CPE: variants seen among roughly 807,000 people sequenced by gnomAD.
CPE encodes carbocypeptidase E.
CPE carries 17 observed loss-of-function variants against 53.5 expected under a neutral mutation model. The ratio of observed to expected loss-of-function variants is 0.32; its 90% CI spans 0.22 to 0.48. The LOEUF (loss-of-function observed/expected upper bound fraction) is 0.48. CPE is among the 20% of genes least tolerant of loss of function. The probability of loss-of-function intolerance (pLI) is 0.99; values close to 1 mark genes in which losing one functional copy is unlikely to be tolerated. For missense variants in CPE, 524 were observed against 614.7 expected (o/e 0.85, Z 1.56); for synonymous variants, 226 against 228.8 (o/e 0.99, Z 0.11).
At chr4:165,496,929 C>CT (rs1192544302) in intron 8 of CPE, among the ~76,000 whole-genome samples, 2 of 151,938 alleles carry the variant, frequency 1.3e-5, no homozygotes, top group Non-Finnish European at 2.9e-5. Context: ...CTCTTTTTTT[C>CT]TTTTCTTTTT....
At chr4:165,385,443 CT>C (rs70955613) in intron 1 of CPE, among the ~76,000 whole-genome samples, 147 of 106,976 alleles carry the variant, frequency 1.4e-3, no homozygotes, top group Non-Finnish European at 2.0e-3. Context: ...CAAATGTTTG[CT>C]TTTTTTTTTT....
chr4:165,492,878 T>C (rs2126717593), intron 6 of CPE, among the ~76,000 whole-genome samples: 1 of 152,348 alleles, frequency 6.6e-6, no homozygotes, highest in South Asian at 2.1e-4. Context: ...TAAGACAATA[T>C]GAGGAGTGGT....
chr4:165,466,319 A>G (rs1470174093), intron 2 of CPE, among the ~76,000 whole-genome samples: 2 of 152,172 alleles, frequency 1.3e-5, no homozygotes, highest in Non-Finnish European at 2.9e-5. Flanking sequence ...TAAAAACAGT[A>G]CCTTTGGACA....
intron 1 of CPE, among the ~76,000 whole-genome samples, chr4:165,463,593 A>G (rs1732046915): frequency 6.6e-6 from 1 of 152,180 alleles, no homozygotes; most frequent in Non-Finnish European, 1.5e-5. Context: ...AAAAACATAG[A>G]CGTTTAAGTA....
At chr4:165,456,950 A>G (rs1731913525) in intron 1 of CPE, among the ~76,000 whole-genome samples, 1 of 151,878 alleles carries the variant, frequency 6.6e-6, no homozygotes, top group South Asian at 2.1e-4. Context: ...CAGCTTGACC[A>G]GGCTGCTCTT....
intron 1 of CPE, among the ~76,000 whole-genome samples, chr4:165,430,051 TAAAAATA>T (rs949044424): frequency 2.2e-5 from 3 of 136,476 alleles, no homozygotes; most frequent in African/African-American, 7.5e-5. Context: ...TATCAAAAAA[TAAAAATA>T]AAAATAATGC....
chr4:165,457,796 C>G (rs1731926238), intron 1 of CPE, among the ~76,000 whole-genome samples: 1 of 152,032 alleles, frequency 6.6e-6, no homozygotes. Flanking sequence ...ATTTTTTGTT[C>G]CTTTGCCTTT....
Position 165,468,629 on chromosome 4 carries a change from C to T in CPE, c.672+774C>T, listed in dbSNP as rs528590273. 3.3e-5 allele frequency among the ~76,000 whole-genome samples: 5 copies of T among 152,294 alleles called. No homozygotes were observed. The Middle Eastern group carries it at 0.01, about 311-fold the overall frequency. On this transcript the variant is annotated intron_variant, in intron 3 of 8. Transcript: ENST00000402744. ...TTACCACCTCTCAGCGATTTGATCTCTCTGACACCTCTTCCATTTCCCTTC... is the reference window on the plus strand; with the variant it reads ...TTACCACCTCTCAGCGATTTGATCTTTCTGACACCTCTTCCATTTCCCTTC...
chr4:165,493,298 T>C (rs921821485), intron 7 of CPE, 28 bp downstream of exon 7: 6 of 1,441,758 alleles, frequency 4.2e-6, no homozygotes, highest in African/African-American at 1.4e-5. Flanking sequence ...TTGGAGGCTC[T>C]ACGTTATGTA....
intron 1 of CPE, among the ~76,000 whole-genome samples, chr4:165,436,049 C>T (rs1731496117): frequency 6.6e-6 from 1 of 152,138 alleles, no homozygotes; most frequent in Admixed American, 6.6e-5. Context: ...CTCAACTTCC[C>T]AAACTCAAAT....
At chr4:165,444,948 C>CTTATT in intron 1 of CPE, among the ~76,000 whole-genome samples, 1 of 151,732 alleles carries the variant, frequency 6.6e-6, no homozygotes, top group East Asian at 1.9e-4. Flanking sequence ...TCTCTTTCTT[C>CTTATT]TTATTTTATT....
At chr4:165,424,419 C>T (rs1178397590) in intron 1 of CPE, among the ~76,000 whole-genome samples, 2 of 151,554 alleles carry the variant, frequency 1.3e-5, no homozygotes, top group African/African-American at 2.4e-5. Context: ...ATATTGATTA[C>T]CATAATTATC....
At chr4:165,446,498 T>C (rs1338234400) in intron 1 of CPE, among the ~76,000 whole-genome samples, 1 of 152,184 alleles carries the variant, frequency 6.6e-6, no homozygotes, top group Non-Finnish European at 1.5e-5. Context: ...GTTTTTGTTT[T>C]GCTTTGTTTT....
At chr4:165,442,683 G>A (rs572011731) in intron 1 of CPE, among the ~76,000 whole-genome samples, 58 of 152,264 alleles carry the variant, frequency 3.8e-4, no homozygotes, top group African/African-American at 1.3e-3. Flanking sequence ...TATTTCCCGG[G>A]ACAGTACAGA....
intron 1 of CPE, among the ~76,000 whole-genome samples, chr4:165,457,027 C>G (rs1731914920): frequency 6.6e-6 from 1 of 152,150 alleles, no homozygotes; most frequent in Admixed American, 6.6e-5. Context: ...GTATGAGCCA[C>G]TGTTCCAGGC....
chr4:165,384,849 A>G (rs1198936686), intron 1 of CPE, among the ~76,000 whole-genome samples: 2 of 152,190 alleles, frequency 1.3e-5, no homozygotes. Flanking sequence ...TTCCCTCCAT[A>G]AACAGCTAGT....
chr4:165,406,222 A>G, intron 1 of CPE: 1 of 663,592 alleles, frequency 1.5e-6, no homozygotes, highest in Non-Finnish European at 2.9e-6. Flanking sequence ...TTGACTCCAT[A>G]GTTAATATGG....
rs2241816 is a variant in CPE at position 165,404,163 on chromosome 4, G to C, written c.307+24635G>C. On this transcript the variant is annotated intron_variant, in intron 1 of 8. Coordinates refer to ENST00000402744, the MANE Select transcript of CPE (RefSeq NM_001873.4). ...TAGGCAGCCTCATACTTCTTGAGCC[G>C]GTCCACTATCTTCTGGGCTTCATAC... 6,097 of 762,098 alleles carry C rather than the reference G, an allele frequency of 8.0e-3. 130 individuals are homozygous for C. Among genetic ancestry groups the C allele is most frequent in the East Asian group, 0.048 (1,927 of 40,294 alleles). The allele number at this position is 762,098 out of a possible 1,614,324, so 47.2% of individuals were successfully genotyped here.
intron 6 of CPE, among the ~76,000 whole-genome samples, chr4:165,490,074 T>C (rs1286221236): frequency 1.3e-5 from 2 of 152,250 alleles, no homozygotes; most frequent in African/African-American, 2.4e-5. Flanking sequence ...ATTGTTGTCT[T>C]GACAATGGTG....
Sources: allele counts gnomAD v4.1 joint callset (sites outside exome capture counted in the v4.1 genomes callset), GRCh38; gene constraint gnomAD v4.1.1; transcripts MANE v1.5; gene names NCBI Gene and HGNC (gene_info 2026-07-23, HGNC 2026-07-21).